The following POLH variants were observed in gnomAD, a reference collection of about 807,000 sequenced individuals.
POLH encodes DNA polymerase eta transcript.
POLH carries 53 observed loss-of-function variants against 73.6 expected under a neutral mutation model. The observed-to-expected ratio is 0.72, with a 90% CI of 0.58 to 0.91. The LOEUF (loss-of-function observed/expected upper bound fraction) is 0.91. Among genes scored for constraint, POLH ranks in the 40% least tolerant of loss-of-function variants. POLH has a pLI of 0.00. For synonymous variants in POLH, 292 were observed against 308.5 expected, an observed-to-expected ratio of 0.95 and a Z score of 0.56; for missense variants, 768 against 865.4, an observed-to-expected ratio of 0.89 and a Z score of 1.41.
intron 10 of POLH, among the ~76,000 whole-genome samples, chr6:43,611,023 A>G (rs1172719074): frequency 6.6e-5 from 10 of 152,134 alleles, no homozygotes; most frequent in Non-Finnish European, 4.4e-5. Flanking sequence ...GGTCTGTCTC[A>G]GTTCTACAAG....
At position 43,597,700 on chromosome 6, in the gene POLH, G is replaced by T. The variant is rs1766244079; in HGVS notation, c.495G>T (p.Gly165=). ...TGAGTTCTTAATTCATTTCAGAGGGGATGCGAAAACAAGGCTTATTTCAAT... is the reference window on the plus strand; with the variant it reads ...TGAGTTCTTAATTCATTTCAGAGGGTATGCGAAAACAAGGCTTATTTCAAT... The part of the protein sequence containing the change: ...TTAEETVQKE[G]MRKQGLFQWL... The change falls in exon 5 of 11, where the codon GGG becomes GGT. Residue 165 remains glycine, a synonymous_variant. Transcript: ENST00000372236. The T allele has an allele frequency of 6.2e-7, 1 of 1,613,260 alleles. No individual in the cohort carries two copies. Among genetic ancestry groups the T allele is most frequent in the Non-Finnish European group, 8.5e-7 (1 of 1,179,282 alleles).
At chr6:43,579,244 T>C (rs1763743135) in intron 1 of POLH, among the ~76,000 whole-genome samples, 1 of 152,224 alleles carries the variant, frequency 6.6e-6, no homozygotes, top group South Asian at 2.1e-4. Flanking sequence ...GTCATAAGAC[T>C]TTCATTTCAG....
At chr6:43,595,751 C>T (rs1582293601) in intron 4 of POLH, among the ~76,000 whole-genome samples, 1 of 151,990 alleles carries the variant, frequency 6.6e-6, no homozygotes, top group East Asian at 1.9e-4. Context: ...CCACTGCACT[C>T]CAGCATGGGC....
chr6:43,594,367 CAG>C (rs1765816438), intron 4 of POLH, among the ~76,000 whole-genome samples: 1 of 151,980 alleles, frequency 6.6e-6, no homozygotes, highest in Non-Finnish European at 1.5e-5. Flanking sequence ...TTCAGGAAAA[CAG>C]ATAATTAAAA....
chr6:43,582,229 C>A, intron 1 of POLH, 87 bp from the exon 2 acceptor site: 1 of 1,210,508 alleles, frequency 8.3e-7, no homozygotes, highest in Non-Finnish European at 1.2e-6. Flanking sequence ...CTCATGGTAA[C>A]TCATCAGTGA....
At chr6:43,578,190 T>C (rs1763594763) in intron 1 of POLH, among the ~76,000 whole-genome samples, 1 of 150,970 alleles carries the variant, frequency 6.6e-6, no homozygotes, top group Admixed American at 6.6e-5. Flanking sequence ...AGTTAGAGAC[T>C]AGCCTGGCCA....
intron 1 of POLH, among the ~76,000 whole-genome samples, chr6:43,580,869 G>A (rs1448810344): frequency 1.2e-4 from 18 of 147,614 alleles, no homozygotes; most frequent in East Asian, 6.2e-4. Context: ...CCTCCCAGAC[G>A]GGGCGGCTGG....
At chr6:43,589,497 G>T (rs1765208826) in intron 4 of POLH, among the ~76,000 whole-genome samples, 1 of 152,116 alleles carries the variant, frequency 6.6e-6, no homozygotes, top group Admixed American at 6.5e-5. Context: ...TCATACACTT[G>T]TAAGCCAGCT....
At position 43,614,148 on chromosome 6, in the gene POLH, G is replaced by T; in HGVS notation, c.1733G>T (p.Cys578Phe). The T allele has an allele frequency of 6.2e-7, 1 of 1,614,198 alleles. No homozygotes were observed. Among genetic ancestry groups the T allele is most frequent in the Non-Finnish European group, 8.5e-7 (1 of 1,180,034 alleles). ...GAGTATCCAGGGTGTGTCCCTGTTT[G>T]TGAAGGGGTGTCGAAGCTAGAAGAA... ...PTEYPGCVPV[C>F]EGVSKLEESS... The change falls in exon 11 of 11, where the codon TGT (cysteine) becomes TTT (phenylalanine). Residue 578 changes from cysteine to phenylalanine, a missense_variant. Coordinates refer to ENST00000372236, the MANE Select transcript of POLH (RefSeq NM_006502.3).
rs898305194 is a variant in POLH at position 43,586,530 on chromosome 6, A to T, written c.273-742A>T. On this transcript the variant is annotated intron_variant, in intron 3 of 10. Coordinates refer to ENST00000372236, the MANE Select transcript of POLH (RefSeq NM_006502.3). ...TATCTGTATATTGTCGTAGAAAACT[A>T]GGTATAGAGCCAGAAGAGCTGCTTA... Among the ~76,000 whole-genome samples the T allele has an allele frequency of 9.8e-5, 15 of 152,312 alleles. No individual in the cohort carries two copies. The South Asian group carries it at 2.7e-3, about 27-fold the overall frequency.
intron 9 of POLH, among the ~76,000 whole-genome samples, chr6:43,609,798 G>A (rs1459111950): frequency 6.6e-6 from 1 of 152,070 alleles, no homozygotes; most frequent in Non-Finnish European, 1.5e-5. Flanking sequence ...TCACAAAATA[G>A]TATCTAGTAT....
intron 3 of POLH, among the ~76,000 whole-genome samples, chr6:43,583,490 G>C (rs1056425165): frequency 2.0e-5 from 3 of 152,124 alleles, no homozygotes; most frequent in Non-Finnish European, 2.9e-5. Flanking sequence ...TTCCAGGAAA[G>C]GCTGAGTCAA....
chr6:43,606,170 A>G (rs1183958767), intron 9 of POLH, among the ~76,000 whole-genome samples: 1 of 151,750 alleles, frequency 6.6e-6, no homozygotes, highest in South Asian at 2.1e-4. Context: ...AAAAAAAAAA[A>G]GTAGTTAAAA....
chr6:43,605,966 C>T (rs987644919), intron 9 of POLH, among the ~76,000 whole-genome samples: 26 of 151,998 alleles, frequency 1.7e-4, no homozygotes, highest in African/African-American at 5.6e-4. Flanking sequence ...TCAGGTGATC[C>T]GCCCACCTCA....
intron 3 of POLH, among the ~76,000 whole-genome samples, chr6:43,585,679 C>G (rs1205464726): frequency 3.3e-4 from 44 of 133,548 alleles, no homozygotes; most frequent in Admixed American, 2.4e-3. Flanking sequence ...GAGTTTCACT[C>G]TTGTTGCCCA....
chr6:43,601,090 A>G lies in POLH; in HGVS notation c.763A>G (p.Ile255Val), dbSNP rs771570891. 6.3e-6 allele frequency: 10 copies of G among 1,594,818 alleles called. No individual in the cohort carries two copies. The highest frequency in any genetic ancestry group is 1.1e-5 in the South Asian group (1 of 90,670). ...CTTCAGCCAAATGCCCATTCGCAAA[A>G]TGTAAGTATTCAGGCAGCATGTTAA... The part of the protein sequence containing the change: ...QLFSQMPIRK[I>V]RSLGGKLGAS... The change falls in exon 6 of 11, where the codon ATC (isoleucine) becomes GTC (valine). Residue 255 changes from isoleucine (I) to valine (V), a missense_variant and splice_region_variant. Physicochemically the swap from Ile to Val is conservative, Grantham distance 29. Coordinates refer to ENST00000372236, the MANE Select transcript of POLH (RefSeq NM_006502.3).
At chr6:43,609,331 G>T (rs938599287) in intron 9 of POLH, among the ~76,000 whole-genome samples, 1 of 151,948 alleles carries the variant, frequency 6.6e-6, no homozygotes, top group African/African-American at 2.4e-5. Context: ...AATAATTTTG[G>T]TCAACAAGGA....
At chr6:43,579,283 A>T (rs528630550) in intron 1 of POLH, among the ~76,000 whole-genome samples, 1 of 152,242 alleles carries the variant, frequency 6.6e-6, no homozygotes, top group African/African-American at 2.4e-5. Flanking sequence ...CCCTGGAGAA[A>T]GGAATGCTAC....
At position 43,597,140 on chromosome 6, in the gene POLH, A is replaced by G. The variant is rs534783632; in HGVS notation, c.491-556A>G. On this transcript the variant is annotated intron_variant, in intron 4 of 10. Transcript: ENST00000372236. ...TTTTATTTTTATTATTTTTGAGATG[A>G]AGTCTTGCTCTGTCGCCCAGGCTGG... Among the ~76,000 whole-genome samples, 52 of 152,162 alleles carry G rather than the reference A, an allele frequency of 3.4e-4. 1 individual carries two copies. Among genetic ancestry groups the G allele is most frequent in the Middle Eastern group, 3.4e-3 (1 of 294 alleles).
Sources: gnomAD v4.1 joint callset for allele counts (sites outside exome capture counted in the v4.1 genomes callset) on GRCh38, gnomAD v4.1.1 for gene constraint, MANE v1.5 for transcripts, NCBI Gene and HGNC (gene_info 2026-07-23, HGNC 2026-07-21) for gene names.